The following CTRB1 variants were observed in gnomAD, a reference collection of about 807,000 sequenced individuals.
The protein encoded by CTRB1 is chymotrypsinogen B1, also known as chymotrypsinogen B.
A neutral mutation model predicts 20.4 loss-of-function variants in CTRB1; 15 were observed. The ratio of observed to expected loss-of-function variants is 0.74; its 90% CI spans 0.49 to 1.13. The LOEUF is 1.13. Ranked by LOEUF, CTRB1 falls within the 50% of genes most tolerant of loss-of-function variation. The pLI, the probability that CTRB1 is intolerant of heterozygous loss-of-function variation, is 0.00. For synonymous variants in CTRB1, 92 were observed against 128.4 expected (o/e 0.72, Z 1.92); for missense variants, 227 against 290.1 (o/e 0.78, Z 1.58).
At chr16:75,221,735 G>A (rs1567569596) in intron 1 of CTRB1, among the ~76,000 whole-genome samples, 1 of 151,964 alleles carries the variant, frequency 6.6e-6, no homozygotes, top group Non-Finnish European at 1.5e-5. Context: ...CATGTTGGGA[G>A]ATCAAGGCAA....
At chr16:75,222,093 T>G (rs1400389810) in intron 1 of CTRB1, among the ~76,000 whole-genome samples, 2 of 148,366 alleles carry the variant, frequency 1.3e-5, no homozygotes, top group Admixed American at 6.7e-5. Flanking sequence ...AAAAGGAATT[T>G]GAGGTTGCAG....
intron 1 of CTRB1, among the ~76,000 whole-genome samples, chr16:75,219,626 C>A (rs193214591): frequency 6.6e-6 from 1 of 152,132 alleles, no homozygotes; most frequent in Non-Finnish European, 1.5e-5. Flanking sequence ...TCAGGTGATG[C>A]CCCCGCCTCG....
At chr16:75,222,668 G>C (rs2151375994) in intron 1 of CTRB1, 100 bp from the exon 2 acceptor site, 3 of 1,331,606 alleles carry the variant, frequency 2.3e-6, no homozygotes, top group Non-Finnish European at 3.1e-6. Flanking sequence ...TCCTGAGCTG[G>C]CTTCAGTGGA....
At chr16:75,222,635 G>A (rs1042358567) in intron 1 of CTRB1, 133 bp from the exon 2 acceptor site, 25 of 939,304 alleles carry the variant, frequency 2.7e-5, no homozygotes, top group African/African-American at 2.2e-4. Flanking sequence ...CCAGGGAGGC[G>A]GAGGCGGCAT....
chr16:75,221,345 A>G (rs956645806), intron 1 of CTRB1, among the ~76,000 whole-genome samples: 18 of 152,032 alleles, frequency 1.2e-4, no homozygotes, highest in African/African-American at 4.3e-4. Flanking sequence ...GTGTGGAAGT[A>G]AAGTCCAGCT....
intron 1 of CTRB1, among the ~76,000 whole-genome samples, chr16:75,221,067 T>G (rs1377233794): frequency 6.6e-6 from 1 of 152,200 alleles, no homozygotes; most frequent in East Asian, 1.9e-4. Flanking sequence ...TTTGATGCTC[T>G]GAAACGTCAG....
At position 75,219,165 on chromosome 16, in the gene CTRB1, G is replaced by C. The variant is rs2039043093; in HGVS notation, c.52+106G>C. On this transcript the variant is annotated intron_variant, in intron 1 of 6. Transcript: ENST00000361017. ...CCCCTGGGGCCTCATCCCCAGCACAGGTAACCTGAGGGCTCAGGAGAGGGT... is the reference window on the plus strand; with the variant it reads ...CCCCTGGGGCCTCATCCCCAGCACACGTAACCTGAGGGCTCAGGAGAGGGT... The C allele has an allele frequency of 4.2e-6, 5 of 1,194,672 alleles. No homozygotes were observed. In the East Asian group the frequency reaches 1.3e-4, roughly 31 times the overall value. 74.0% of individuals were successfully genotyped at this position (1,194,672 alleles called of 1,614,324 possible).
chr16:75,222,159 T>G (rs2039095741), intron 1 of CTRB1, among the ~76,000 whole-genome samples: 1 of 111,348 alleles, frequency 9.0e-6, no homozygotes, highest in Non-Finnish European at 2.0e-5. Flanking sequence ...AGACCCTAAC[T>G]GGAAAAAAAA....
intron 1 of CTRB1, among the ~76,000 whole-genome samples, chr16:75,221,118 G>A (rs954401387): frequency 3.3e-5 from 5 of 152,156 alleles, no homozygotes; most frequent in African/African-American, 7.2e-5. Context: ...GGCAGGAGAC[G>A]CAGGGGCTGC....
chr16:75,222,447 G>C (rs911082900), intron 1 of CTRB1, among the ~76,000 whole-genome samples: 2 of 152,194 alleles, frequency 1.3e-5, no homozygotes. Context: ...AGGGTCACAC[G>C]GCAAGGAAAG....
At chr16:75,221,051 C>G (rs989330051) in intron 1 of CTRB1, among the ~76,000 whole-genome samples, 2 of 152,162 alleles carry the variant, frequency 1.3e-5, no homozygotes, top group African/African-American at 4.8e-5. Flanking sequence ...TATTACAATA[C>G]CAGTTTTTGA....
rs2076715259 is a variant in CTRB1, at chr16:75,224,175, T to C, written c.617T>C (p.Val206Ala). The C allele has an allele frequency of 6.1e-6, 9 of 1,478,760 alleles. No homozygotes were observed. The highest frequency in any genetic ancestry group is 6.3e-6 in the Non-Finnish European group (7 of 1,106,548). The allele number at this position is 1,478,760 out of a possible 1,614,324, so 91.6% of individuals were successfully genotyped here. A position where few individuals can be genotyped will look rare whatever the true frequency, so the allele number is the denominator to read the frequency against. The stretch of plus-strand genomic sequence containing the variant: ...ATGATCTGTGCCGGGGCCAGTGGCG[T>C]CTCCTCCTGCATGGTGAGGCTGGCC... ...DVMICAGASG[V>A]SSCMGDSGGP... is the part of the protein sequence containing the mutation. The change falls in exon 6 of 7, where the codon GTC becomes GCC. Residue 206 changes from valine to alanine, a missense_variant. Val to Ala is a moderately conservative substitution (Grantham distance 64). This residue lies in a region of CTRB1 where 108 missense variants were observed against 76.9 expected (regional missense o/e 1.41). Coordinates refer to ENST00000361017, the MANE Select transcript of CTRB1 (RefSeq NM_001906.6).
At chr16:75,221,560 A>T (rs575688521) in intron 1 of CTRB1, among the ~76,000 whole-genome samples, 4 of 152,002 alleles carry the variant, frequency 2.6e-5, no homozygotes, top group Admixed American at 2.6e-4. Flanking sequence ...GGGTTTTACT[A>T]TGTTGGCCAG....
intron 1 of CTRB1, among the ~76,000 whole-genome samples, chr16:75,219,498 C>G (rs1368776223): frequency 6.6e-6 from 1 of 151,712 alleles, no homozygotes; most frequent in Non-Finnish European, 1.5e-5. Context: ...TTCAAATGAT[C>G]TTCCTGCCTC....
At chr16:75,222,618 T>A (rs112316708) in intron 1 of CTRB1, 150 bp from the exon 2 acceptor site, 19 of 799,450 alleles carry the variant, frequency 2.4e-5, no homozygotes, top group African/African-American at 1.9e-4. Flanking sequence ...GCCTAGAGAC[T>A]TGGGGACCAG....
intron 1 of CTRB1, 114 bp from the exon 2 acceptor site, chr16:75,222,654 G>C (rs1164840664): frequency 8.6e-7 from 1 of 1,169,156 alleles, no homozygotes; most frequent in East Asian, 2.6e-5. Flanking sequence ...ATGTGCCAGG[G>C]AGGTCCTGAG....
chr16:75,224,284 T>A (rs28754795), intron 6 of CTRB1, 96 bp downstream of exon 6: 79 of 1,546,054 alleles, frequency 5.1e-5, no homozygotes, highest in Non-Finnish European at 6.6e-5. Flanking sequence ...CTAACCCCAC[T>A]CCTTCCTGGG....
Position 75,224,722 on chromosome 16 carries a change from C to T in CTRB1, c.648C>T (p.Pro216=), listed in dbSNP as rs778257534. Residue 216 remains proline, a synonymous_variant, in exon 7 of 7, where the codon CCC becomes CCT. Transcript: ENST00000361017. ...TCCCACAGGGCGACTCTGGCGGCCCCCTGGTCTGCCAAAAGGATGGAGCCT... is the reference window on the plus strand; with the variant it reads ...TCCCACAGGGCGACTCTGGCGGCCCTCTGGTCTGCCAAAAGGATGGAGCCT... ...VSSCMGDSGG[P]LVCQKDGAWT... is the part of the protein sequence containing the mutation. 158 of 1,611,996 alleles carry T rather than the reference C, an allele frequency of 9.8e-5. 1 individual carries two copies. In the South Asian group the frequency reaches 1.4e-3, roughly 14 times the overall value.
intron 1 of CTRB1, among the ~76,000 whole-genome samples, chr16:75,220,424 T>A (rs1204907880): frequency 6.6e-6 from 1 of 152,208 alleles, no homozygotes; most frequent in African/African-American, 2.4e-5. Context: ...CCTCCAGTGA[T>A]CCGCCCACCT....
Sources: gnomAD v4.1 joint callset for allele counts (sites outside exome capture counted in the v4.1 genomes callset) on GRCh38, gnomAD v4.1.1 for gene constraint, gnomAD v4.1.1 regional missense constraint, MANE v1.5 for transcripts, NCBI Gene and HGNC (gene_info 2026-07-23, HGNC 2026-07-21) for gene names.